ARHGAP28: variants seen among roughly 807,000 people sequenced by gnomAD.
ARHGAP28 encodes rho GTPase-activating protein 28.
A neutral mutation model predicts 90.7 loss-of-function variants in ARHGAP28; 56 were observed. The observed-to-expected ratio is 0.62, with a 90% CI of 0.50 to 0.77. The LOEUF is 0.77. ARHGAP28 is among the 30% of genes least tolerant of loss of function. The probability of loss-of-function intolerance (pLI) is 0.00; values close to 1 mark genes in which losing one functional copy is unlikely to be tolerated. For synonymous variants in ARHGAP28, 308 were observed against 323.3 expected (o/e 0.95, Z 0.51); for missense variants, 869 against 900.9 (o/e 0.96, Z 0.45).
At chr18:6,796,378 C>G (rs1346965059) in intron 1 of ARHGAP28, among the ~76,000 whole-genome samples, 2 of 152,052 alleles carry the variant, frequency 1.3e-5, no homozygotes, top group Non-Finnish European at 2.9e-5. Context: ...CCCCGAGCAC[C>G]CCTGCTATAC....
Position 6,795,230 on chromosome 18 carries a change from T to A in ARHGAP28, c.123-29532T>A, listed in dbSNP as rs937181733. ...GAGTATGAAAAGCAACGCGTTTTCA[T>A]TGATTCTCCTATTCTTTCTGAAATC... On this transcript the variant is annotated intron_variant, in intron 1 of 17. Transcript: ENST00000383472. 2.6e-5 allele frequency among the ~76,000 whole-genome samples: 4 copies of A among 152,272 alleles called. No homozygotes were observed. The South Asian group carries it at 6.2e-4, about 24-fold the overall frequency.
rs74389998 is a variant in ARHGAP28, at chr18:6,816,780, C to G, written c.123-7982C>G. Among the ~76,000 whole-genome samples the G allele has an allele frequency of 8.4e-3, 1,282 of 152,164 alleles. 9 individuals are homozygous for G. The highest frequency in any genetic ancestry group is 0.016 in the Admixed American group (239 of 15,284). ...GGGTTAGGCTAATAATTTGGTAGCC[C>G]TTACAATTGAGAATCATTCTGTGAA... is the stretch of plus-strand genomic sequence containing the variant. On this transcript the variant is annotated intron_variant, in intron 1 of 17. Coordinates refer to ENST00000383472, the MANE Select transcript of ARHGAP28 (RefSeq NM_001366230.1).
At chr18:6,880,446 A>T (rs2057168386) in intron 10 of ARHGAP28, among the ~76,000 whole-genome samples, 1 of 152,082 alleles carries the variant, frequency 6.6e-6, no homozygotes, top group Admixed American at 6.5e-5. Flanking sequence ...GCCAAGCTCC[A>T]CGCTCCCCCA....
intron 3 of ARHGAP28, among the ~76,000 whole-genome samples, chr18:6,847,218 A>T (rs933378548): frequency 7.9e-5 from 12 of 152,024 alleles, no homozygotes; most frequent in African/African-American, 2.9e-4. Flanking sequence ...ATTTCACCAG[A>T]TTTCCAGGCA....
intron 1 of ARHGAP28, among the ~76,000 whole-genome samples, chr18:6,817,078 C>T (rs1050260477): frequency 1.3e-5 from 2 of 148,326 alleles, no homozygotes; most frequent in African/African-American, 5.0e-5. Flanking sequence ...TGGCAGAGAC[C>T]CTGTCTTAAA....
intron 2 of ARHGAP28, among the ~76,000 whole-genome samples, chr18:6,830,455 G>C (rs1046994882): frequency 6.6e-6 from 1 of 151,936 alleles, no homozygotes; most frequent in Non-Finnish European, 1.5e-5. Context: ...TTTCTCCTAA[G>C]ACTATCCCTC....
chr18:6,894,850 A>G lies in ARHGAP28; in HGVS notation c.1864A>G (p.Thr622Ala), dbSNP rs781587696. 6.2e-7 allele frequency: 1 copy of G among 1,614,114 alleles called. No individual in the cohort carries two copies. Among genetic ancestry groups the G allele is most frequent in the South Asian group, 1.1e-5 (1 of 91,084 alleles). ...TLERETASPK[T>A]SKVLQKSPSA... ...TTTCTTTTAGACTGCAAGCCCCAAGACTTCAAAGGTACTGCAAAAATCACC... is the reference window on the plus strand; with the variant it reads ...TTTCTTTTAGACTGCAAGCCCCAAGGCTTCAAAGGTACTGCAAAAATCACC... The change falls in exon 15 of 18, where the codon ACT (threonine) becomes GCT (alanine). Residue 622 changes from threonine to alanine, a missense_variant. By Grantham distance (58) the Thr-to-Ala change is moderately conservative (BLOSUM62 0). Transcript: ENST00000383472.
intron 3 of ARHGAP28, among the ~76,000 whole-genome samples, chr18:6,844,655 T>C (rs1354754535): frequency 1.3e-5 from 2 of 152,114 alleles, no homozygotes; most frequent in Non-Finnish European, 2.9e-5. Flanking sequence ...GTATCCCAAC[T>C]CCTCTTTTGG....
intron 2 of ARHGAP28, among the ~76,000 whole-genome samples, chr18:6,834,249 G>T (rs921952115): frequency 6.6e-6 from 1 of 152,040 alleles, no homozygotes; most frequent in Non-Finnish European, 1.5e-5. Context: ...AAATATATTT[G>T]GAGGAGAAAA....
intron 12 of ARHGAP28, 68 bp from the exon 13 acceptor site, chr18:6,889,820 T>C (rs969088709): frequency 4.2e-6 from 6 of 1,416,882 alleles, no homozygotes; most frequent in Non-Finnish European, 5.0e-6. Context: ...GGGAATAGAA[T>C]GAATGATAGC....
chr18:6,858,057 G>A (rs546793695), intron 4 of ARHGAP28, among the ~76,000 whole-genome samples: 5 of 152,222 alleles, frequency 3.3e-5, no homozygotes, highest in African/African-American at 9.6e-5. Flanking sequence ...GTCTTTTGTT[G>A]TGGCATCTGG....
At chr18:6,887,642 C>T (rs2143697588) in intron 12 of ARHGAP28, among the ~76,000 whole-genome samples, 1 of 152,202 alleles carries the variant, frequency 6.6e-6, no homozygotes, top group South Asian at 2.1e-4. Flanking sequence ...AGGCTGGTCT[C>T]CAACTCCAGG....
At chr18:6,860,614 C>A (rs2056990152) in intron 5 of ARHGAP28, among the ~76,000 whole-genome samples, 1 of 152,170 alleles carries the variant, frequency 6.6e-6, no homozygotes, top group Non-Finnish European at 1.5e-5. Context: ...GTGGCACATT[C>A]AAAGGTTCTG....
intron 1 of ARHGAP28, among the ~76,000 whole-genome samples, chr18:6,734,085 G>A (rs552166332): frequency 6.6e-6 from 1 of 152,264 alleles, no homozygotes; most frequent in Admixed American, 6.5e-5. Context: ...TCACAAAATT[G>A]TATATCCACA....
At chr18:6,771,099 T>C (rs1467241212) in intron 1 of ARHGAP28, among the ~76,000 whole-genome samples, 1 of 152,138 alleles carries the variant, frequency 6.6e-6, no homozygotes, top group Non-Finnish European at 1.5e-5. Context: ...TGCAGTGGTA[T>C]GATCATGGCT....
intron 1 of ARHGAP28, among the ~76,000 whole-genome samples, chr18:6,751,368 A>G (rs1407602755): frequency 1.3e-5 from 2 of 152,098 alleles, no homozygotes; most frequent in East Asian, 1.9e-4. Flanking sequence ...AGAGAAAGGA[A>G]ATGCTTTTGT....
At chr18:6,824,232 C>A (rs2056645449) in intron 1 of ARHGAP28, among the ~76,000 whole-genome samples, 1 of 152,096 alleles carries the variant, frequency 6.6e-6, no homozygotes, top group African/African-American at 2.4e-5. Context: ...GCCACAGAGT[C>A]ATTATAAAGT....
intron 4 of ARHGAP28, among the ~76,000 whole-genome samples, chr18:6,853,474 A>AT (rs34117123): frequency 0.49 from 72,329 of 146,274 alleles, 19,549 homozygotes; most frequent in Non-Finnish European, 0.62. Flanking sequence ...TTGCCAATCA[A>AT]TTTTTTTTTT....
At chr18:6,815,145 A>T (rs925487223) in intron 1 of ARHGAP28, among the ~76,000 whole-genome samples, 3 of 152,228 alleles carry the variant, frequency 2.0e-5, no homozygotes, top group Non-Finnish European at 2.9e-5. Flanking sequence ...TATAAATTGC[A>T]TATTAGTTTT....
Sources: gnomAD v4.1 joint callset for allele counts (sites outside exome capture counted in the v4.1 genomes callset) on GRCh38, gnomAD v4.1.1 for gene constraint, MANE v1.5 for transcripts, NCBI Gene and HGNC (gene_info 2026-07-23, HGNC 2026-07-21) for gene names.